The following TPGS1 variants were observed in gnomAD, a reference collection of about 807,000 sequenced individuals.
TPGS1 encodes tubulin polyglutamylase complex subunit 1, also known as gene trap ROSA b-geo 22.
TPGS1 carries 18 observed loss-of-function variants against 11.9 expected under a neutral mutation model. The ratio of observed to expected loss-of-function variants is 1.51; its 90% CI spans 1.04 to 2.24. TPGS1 has a LOEUF of 2.24. Among genes scored for constraint, TPGS1 ranks in the 30% most tolerant of loss-of-function variants. TPGS1 has a pLI of 0.00. For synonymous variants in TPGS1, 247 were observed against 218.2 expected (o/e 1.13, Z -1.16); for missense variants, 500 against 443.0 (o/e 1.13, Z -1.16).
At chr19:512,811 G>A (rs1457377793) in intron 1 of TPGS1, among the ~76,000 whole-genome samples, 1 of 152,248 alleles carries the variant, frequency 6.6e-6, no homozygotes, top group East Asian at 1.9e-4. Context: ...TGGCCTCCGA[G>A]GCGGGTCACG....
chr19:517,290 C>T lies in TPGS1; in HGVS notation c.339-1599C>T, dbSNP rs75058274. Among the ~76,000 whole-genome samples, 832 of 141,660 alleles carry T rather than the reference C, an allele frequency of 5.9e-3. 12 individuals are homozygous for T. Among genetic ancestry groups the T allele is most frequent in the African/African-American group, 0.021 (791 of 37,184 alleles). The allele number at this position is 141,660 out of a possible 152,430, so 92.9% of individuals were successfully genotyped here. ...GGAGATCTGGGGGAAGGCAGTGTCA[C>T]GGCCCTTGCAGAGGCCCTGAGGCCG... is the stretch of plus-strand genomic sequence containing the variant. On this transcript the variant is annotated intron_variant, in intron 1 of 1. Coordinates refer to ENST00000359315, the MANE Select transcript of TPGS1 (RefSeq NM_033513.3).
chr19:510,821 T>C (rs1978772659), intron 1 of TPGS1, among the ~76,000 whole-genome samples: 1 of 152,204 alleles, frequency 6.6e-6, no homozygotes, highest in Non-Finnish European at 1.5e-5. Flanking sequence ...CCCCAGCTGA[T>C]CTGGGCCAGG....
intron 1 of TPGS1, among the ~76,000 whole-genome samples, chr19:518,019 T>TGGTGG (rs1979014305): frequency 3.2e-5 from 1 of 31,742 alleles, no homozygotes. Context: ...CTGGGGGTGC[T>TGGTGG]GGTGGGGAGG....
In TPGS1 at chr19:518,885, G is replaced by T. The variant is rs759018101; in HGVS notation, c.339-4G>T. 2 of 1,513,186 alleles carry T rather than the reference G, an allele frequency of 1.3e-6. No homozygotes were observed. Among genetic ancestry groups the T allele is most frequent in the Admixed American group, 2.0e-5 (1 of 49,646 alleles). 93.7% of individuals were successfully genotyped at this position (1,513,186 alleles called of 1,614,324 possible). A position where few individuals can be genotyped will look rare whatever the true frequency, so the allele number is the denominator to read the frequency against. ...GCCGGCCCCCAACGTCCCCGTCTCC[G>T]CAGGGCCGCCTTCAACAACAACGTG... On this transcript the variant is annotated splice_polypyrimidine_tract_variant and splice_region_variant and intron_variant, in intron 1 of 1. Transcript: ENST00000359315.
Position 519,461 on chromosome 19 carries a change from G to A in TPGS1, c.*38G>A, listed in dbSNP as rs980462089. 2 of 1,189,572 alleles carry A rather than the reference G, an allele frequency of 1.7e-6. No individual in the cohort carries two copies. Among genetic ancestry groups the A allele is most frequent in the Middle Eastern group, 3.1e-4 (1 of 3,260 alleles). The allele number at this position is 1,189,572 out of a possible 1,614,324, so 73.7% of individuals were successfully genotyped here. Reference sequence around the variant, plus strand: ...GCGCGGATCCGGGATCTGCGCTGGGGGGTCCCCGCGTGCGGGGCGCGCGGA... The same window carrying A: ...GCGCGGATCCGGGATCTGCGCTGGGAGGTCCCCGCGTGCGGGGCGCGCGGA... On this transcript the variant is annotated 3_prime_UTR_variant, in exon 2 of 2. Coordinates refer to ENST00000359315, the MANE Select transcript of TPGS1 (RefSeq NM_033513.3).
In TPGS1 at chr19:518,925, G is replaced by GT. The variant is rs976347938; in HGVS notation, c.376dup (p.Cys126LeufsTer47). The GT allele has an allele frequency of 1.9e-6, 3 of 1,577,072 alleles. No individual in the cohort carries two copies. The African/African-American group carries it at 4.1e-5, about 22-fold the overall frequency. On this transcript the variant is annotated frameshift_variant, in exon 2 of 2. Transcript: ENST00000359315. LOFTEE classifies it high-confidence loss of function. The stretch of plus-strand genomic sequence containing the variant: ...ACAACAACGTGAGCGTGGCCTACGA[G>GT]TGCCTGAGCGCCGGCGGGCGCAGGA...
chr19:519,123 G>T lies in TPGS1; in HGVS notation c.573G>T (p.Leu191=). The T allele has an allele frequency of 6.6e-7, 1 of 1,524,610 alleles. No individual in the cohort carries two copies. The allele number at this position is 1,524,610 out of a possible 1,614,324, so 94.4% of individuals were successfully genotyped here. ...CGGGCACACTCACCTGCTTCGTGCT[G>T]CTGGAGTTCGTGGCGCGCGCCGGCG... ...FRAGTLTCFV[L]LEFVARAGAL... The change falls in exon 2 of 2, where the codon CTG becomes CTT. Residue 191 remains leucine, a synonymous_variant. Transcript: ENST00000359315.
intron 1 of TPGS1, among the ~76,000 whole-genome samples, chr19:512,941 G>T (rs1369951581): frequency 6.6e-6 from 1 of 152,248 alleles, no homozygotes; most frequent in African/African-American, 2.4e-5. Context: ...GCCAAGAGCC[G>T]CGCGGGTTCC....
At chr19:513,726 C>T (rs1454314346) in intron 1 of TPGS1, among the ~76,000 whole-genome samples, 24,397 of 130,188 alleles carry the variant, frequency 0.19, 3,858 homozygotes, top group Admixed American at 0.32. Flanking sequence ...ACCTACTGCA[C>T]ACCAGCCCAG....
At chr19:513,796 C>A (rs562634971) in intron 1 of TPGS1, among the ~76,000 whole-genome samples, 27 of 151,470 alleles carry the variant, frequency 1.8e-4, no homozygotes, top group African/African-American at 6.5e-4. Context: ...TGCACACCAG[C>A]CCCACATTTA....
At chr19:512,681 C>G (rs970583536) in intron 1 of TPGS1, among the ~76,000 whole-genome samples, 1 of 152,222 alleles carries the variant, frequency 6.6e-6, no homozygotes, top group Non-Finnish European at 1.5e-5. Flanking sequence ...CGCGGAGCAG[C>G]GCTGCCGTCG....
At chr19:515,395 T>C (rs1978919978) in intron 1 of TPGS1, among the ~76,000 whole-genome samples, 1 of 138,102 alleles carries the variant, frequency 7.2e-6, no homozygotes, top group African/African-American at 2.9e-5. Flanking sequence ...AGTGAGACCC[T>C]GTCTCAAAAA....
chr19:507,498 TC>T lies in TPGS1; in HGVS notation c.-8del. 7.1e-7 allele frequency: 1 copy of T among 1,405,200 alleles called. No homozygotes were observed. Among genetic ancestry groups the T allele is most frequent in the Non-Finnish European group, 9.3e-7 (1 of 1,076,302 alleles). The allele number at this position is 1,405,200 out of a possible 1,614,324, so 87.0% of individuals were successfully genotyped here. On this transcript the variant is annotated 5_prime_UTR_variant, in exon 1 of 2. Coordinates refer to ENST00000359315, the MANE Select transcript of TPGS1 (RefSeq NM_033513.3). The stretch of plus-strand genomic sequence containing the variant: ...GGCGGTGCTTCCGGTCCCGCTGCCC[TC>T]AGCGAAGATGGCGGCAGTGGAGAAG...
chr19:507,837 TC>T lies in TPGS1; in HGVS notation c.334del (p.Gln112ArgfsTer9). 7.5e-7 allele frequency: 1 copy of T among 1,335,296 alleles called. No homozygotes were observed. The highest frequency in any genetic ancestry group is 9.6e-7 in the Non-Finnish European group (1 of 1,044,110). 82.7% of individuals were successfully genotyped at this position (1,335,296 alleles called of 1,614,324 possible). A position where few individuals can be genotyped will look rare whatever the true frequency, so the allele number is the denominator to read the frequency against. The part of the protein sequence containing the change: ...ALWHLRLAHH[S>X]QRAAFNNNVS... Reference sequence around the variant, plus strand: ...ATGGCACCTTCGCCTGGCCCACCACTCCCAGAGGTGCGCAGTGGGCCGGCTT... The same window carrying T: ...ATGGCACCTTCGCCTGGCCCACCACTCCAGAGGTGCGCAGTGGGCCGGCTT... On this transcript the variant is annotated frameshift_variant, in exon 1 of 2. Coordinates refer to ENST00000359315, the MANE Select transcript of TPGS1 (RefSeq NM_033513.3). LOFTEE classifies it high-confidence loss of function.
chr19:512,585 C>T (rs577304186), intron 1 of TPGS1, among the ~76,000 whole-genome samples: 1 of 152,372 alleles, frequency 6.6e-6, no homozygotes, highest in South Asian at 2.1e-4. Flanking sequence ...CACGCCCCCT[C>T]GCACGTTTCA....
In TPGS1 at chr19:507,526, G is replaced by T; in HGVS notation, c.20G>T (p.Arg7Leu). ...GCGAAGATGGCGGCAGTGGAGAAGC[G>T]GCGGCAAGCGGTACCACCGCCGGCC... is the stretch of plus-strand genomic sequence containing the variant. MAAVEK[R>L]RQAVPPPAGF... Residue 7 changes from arginine (R) to leucine (L), a missense_variant, in exon 1 of 2, where the codon CGG (arginine) becomes CTG (leucine). By Grantham distance (102) the Arg-to-Leu change is moderately radical. Coordinates refer to ENST00000359315, the MANE Select transcript of TPGS1 (RefSeq NM_033513.3). 1 of 1,418,250 alleles carries T rather than the reference G, an allele frequency of 7.1e-7. No homozygotes were observed. The highest frequency in any genetic ancestry group is 3.0e-5 in the Admixed American group (1 of 33,662). The allele number at this position is 1,418,250 out of a possible 1,614,324, so 87.9% of individuals were successfully genotyped here.
At chr19:508,626 C>T (rs4919908) in intron 1 of TPGS1, 84,933 of 151,256 alleles carry the variant, frequency 0.56, 24,513 homozygotes, top group South Asian at 0.7. Context: ...GGTGATTTTA[C>T]AAGGGGGTGC....
rs1203198235 is a variant in TPGS1 at position 507,552 on chromosome 19, G to C, written c.46G>C (p.Gly16Arg). The C allele has an allele frequency of 7.0e-7, 1 of 1,418,686 alleles. No homozygotes were observed. Among genetic ancestry groups the C allele is most frequent in the African/African-American group, 1.5e-5 (1 of 67,046 alleles). 87.9% of individuals were successfully genotyped at this position (1,418,686 alleles called of 1,614,324 possible). ...GCGGCAAGCGGTACCACCGCCGGCCGGTTTCACGGACAGCGGCCGCCAGTC... is the reference window on the plus strand; with the variant it reads ...GCGGCAAGCGGTACCACCGCCGGCCCGTTTCACGGACAGCGGCCGCCAGTC... ...KRRQAVPPPAGFTDSGRQSVS... is the reference protein window; with the variant it reads ...KRRQAVPPPARFTDSGRQSVS... The change falls in exon 1 of 2, where the codon GGT becomes CGT. Residue 16 changes from glycine to arginine, a missense_variant. Gly to Arg is a moderately radical substitution (Grantham distance 125, BLOSUM62 -2). Transcript: ENST00000359315.
intron 1 of TPGS1, among the ~76,000 whole-genome samples, chr19:518,143 A>G (rs537962916): frequency 0.024 from 690 of 28,766 alleles, 32 homozygotes; most frequent in African/African-American, 0.095. Context: ...GCTGGGTGGG[A>G]GCTGGGAGGA....
Sources: allele counts gnomAD v4.1 joint callset (sites outside exome capture counted in the v4.1 genomes callset), GRCh38; gene constraint gnomAD v4.1.1; transcripts MANE v1.5; gene names NCBI Gene and HGNC (gene_info 2026-07-23, HGNC 2026-07-21).